EML1: variants seen among roughly 807,000 people sequenced by gnomAD.
EML1 encodes EMAP like 1, also known as echinoderm microtubule-associated protein-like 1.
Under a neutral mutation model 110.4 loss-of-function variants are expected in EML1, and 27 were observed. That is an observed-to-expected ratio of 0.24 (90% confidence interval 0.18 to 0.34). EML1 has a LOEUF of 0.34. Ranked by LOEUF, EML1 falls within the 10% of genes least tolerant of loss-of-function variation. EML1 has a pLI of 1.00. For missense variants in EML1, 741 were observed against 1,030.9 expected (o/e 0.72, Z 3.85); for synonymous variants, 344 against 385.8 (o/e 0.89, Z 1.27).
intron 1 of EML1, among the ~76,000 whole-genome samples, chr14:99,742,819 C>T (rs1320283355): frequency 6.6e-6 from 1 of 152,116 alleles, no homozygotes; most frequent in Non-Finnish European, 1.5e-5. Flanking sequence ...ACACCATAAG[C>T]TCAGGGGTGT....
intron 6 of EML1, 27 bp from the exon 7 acceptor site, chr14:99,897,118 A>C: frequency 6.7e-7 from 1 of 1,497,156 alleles, no homozygotes. Context: ...TAAAGGGAAA[A>C]AAAATTTTAT....
intron 17 of EML1, among the ~76,000 whole-genome samples, chr14:99,933,896 A>G (rs1382085735): frequency 6.6e-6 from 1 of 152,144 alleles, no homozygotes; most frequent in Non-Finnish European, 1.5e-5. Context: ...GGAGATCGAG[A>G]CCATCCTGGC....
chr14:99,782,165 C>CA (rs1443004430), intron 1 of EML1, among the ~76,000 whole-genome samples: 28 of 152,276 alleles, frequency 1.8e-4, no homozygotes, highest in African/African-American at 6.7e-4. Context: ...CCTCCACCCC[C>CA]ACCACCTCTC....
intron 13 of EML1, among the ~76,000 whole-genome samples, chr14:99,913,164 G>A (rs2059973190): frequency 9.9e-6 from 1 of 100,590 alleles, no homozygotes; most frequent in South Asian, 2.9e-4. Context: ...TTATGGCAGT[G>A]TTATTATTAT....
chr14:99,790,870 T>TTTTTTTTTTTTTTTTTTTTTTTTTTTTG, upstream of EML1, among the ~76,000 whole-genome samples: 1 of 148,988 alleles, frequency 6.7e-6, no homozygotes. Flanking sequence ...CTTTTCCTTT[T>TTTTTTTTTTTTTTTTTTTTTTTTTTTTG]TTTTTGTGAC....
intron 3 of EML1, among the ~76,000 whole-genome samples, chr14:99,868,768 G>A (rs1208441804): frequency 3.3e-5 from 5 of 151,738 alleles, no homozygotes; most frequent in Admixed American, 2.0e-4. Flanking sequence ...TCTTGGTTTT[G>A]TTGATTTTTT....
At chr14:99,845,982 G>A (rs919137062) in intron 1 of EML1, among the ~76,000 whole-genome samples, 44 of 151,188 alleles carry the variant, frequency 2.9e-4, no homozygotes, top group East Asian at 9.9e-4. Flanking sequence ...CCCAGGAGGC[G>A]GCGGTTGCAG....
intron 4 of EML1, chr14:99,883,161 A>G (rs981889515): frequency 6.6e-6 from 1 of 152,154 alleles, no homozygotes; most frequent in African/African-American, 2.4e-5. Context: ...TGCCTCTCCA[A>G]CACATTGCGC....
chr14:99,913,960 G>A (rs531637588), intron 13 of EML1, among the ~76,000 whole-genome samples: 2 of 152,002 alleles, frequency 1.3e-5, no homozygotes, highest in East Asian at 1.9e-4. Context: ...AACGTGCTGG[G>A]ATTACAGGCA....
intron 1 of EML1, among the ~76,000 whole-genome samples, chr14:99,800,122 A>G (rs1382990941): frequency 6.6e-6 from 1 of 152,232 alleles, no homozygotes; most frequent in South Asian, 2.1e-4. Flanking sequence ...TAAAAGCTGT[A>G]TAATTATTAT....
chr14:99,935,644 G>T (rs1483630920), intron 17 of EML1, among the ~76,000 whole-genome samples: 1 of 152,006 alleles, frequency 6.6e-6, no homozygotes, highest in Non-Finnish European at 1.5e-5. Flanking sequence ...TTAGCCAAGC[G>T]TGGTGGCACG....
intron 1 of EML1, among the ~76,000 whole-genome samples, chr14:99,813,404 T>C (rs1161010452): frequency 1.3e-5 from 2 of 152,184 alleles, no homozygotes; most frequent in Non-Finnish European, 2.9e-5. Flanking sequence ...CAAAAATAAC[T>C]ATCTTTACCT....
At chr14:99,750,085 G>T (rs1331711140) in intron 1 of EML1, among the ~76,000 whole-genome samples, 1 of 152,234 alleles carries the variant, frequency 6.6e-6, no homozygotes. Context: ...CAGGCCGATT[G>T]TGTGGCCGTC....
At chr14:99,751,821 G>A (rs1473924032) in intron 1 of EML1, among the ~76,000 whole-genome samples, 1 of 152,162 alleles carries the variant, frequency 6.6e-6, no homozygotes, top group Non-Finnish European at 1.5e-5. Context: ...TAGACAGGAG[G>A]GGTTGGGAAG....
chr14:99,908,129 G>T (rs901952546), intron 10 of EML1, among the ~76,000 whole-genome samples: 2 of 152,330 alleles, frequency 1.3e-5, no homozygotes, highest in Middle Eastern at 3.4e-3. Context: ...CCCTGCAGCC[G>T]CAGGAAGGGC....
chr14:99,939,482 C>T lies in EML1; in HGVS notation c.2322+155C>T, dbSNP rs893674785. Among the ~76,000 whole-genome samples, 24 of 152,158 alleles carry T rather than the reference C, an allele frequency of 1.6e-4. No homozygotes were observed. The highest frequency in any genetic ancestry group is 2.9e-4 in the African/African-American group (12 of 41,422). On this transcript the variant is annotated intron_variant, in intron 21 of 21. Coordinates refer to ENST00000262233, the MANE Select transcript of EML1 (RefSeq NM_004434.3). This position sits in a 1 kb window ranked among gnomAD's most constrained non-coding sequence, Gnocchi z 4.2. ...TCTTTGCGCCCTGAGCACTTCCAGC[C>T]GCCCTTAGGGAAACCCCAAGCCCCA...
chr14:99,774,934 A>C (rs1427311652), intron 1 of EML1, among the ~76,000 whole-genome samples: 1 of 152,246 alleles, frequency 6.6e-6, no homozygotes, highest in African/African-American at 2.4e-5. Flanking sequence ...TAGCCAGTTA[A>C]AGAGCCAAAA....
At chr14:99,740,640 G>A (rs8003164) in intron 1 of EML1, among the ~76,000 whole-genome samples, 148 of 152,252 alleles carry the variant, frequency 9.7e-4, no homozygotes, top group South Asian at 1.9e-3. Context: ...ATCAAGTACC[G>A]GCCCACACAC....
In EML1 at chr14:99,765,083, G is replaced by A. The variant is rs58291861; in HGVS notation, c.28+27223G>A. Reference sequence around the variant, plus strand: ...CTCCCGAGTAGCCAGGACCACAGGCGAATGCCACCATGCACAGCTAATTTT... The same window carrying A: ...CTCCCGAGTAGCCAGGACCACAGGCAAATGCCACCATGCACAGCTAATTTT... On this transcript the variant is annotated intron_variant, in intron 1 of 10. Transcript: ENST00000554479. Among the ~76,000 whole-genome samples the A allele has an allele frequency of 4.6e-3, 693 of 152,120 alleles. 4 individuals are homozygous for A. The highest frequency in any genetic ancestry group is 0.016 in the African/African-American group (657 of 41,480).
Sources: gnomAD v4.1 joint callset for allele counts (sites outside exome capture counted in the v4.1 genomes callset) on GRCh38, gnomAD v4.1.1 for gene constraint, Gnocchi (gnomAD v3.1) non-coding constraint, MANE v1.5 for transcripts, NCBI Gene and HGNC (gene_info 2026-07-23, HGNC 2026-07-21) for gene names.